RNPEP: variants seen among roughly 807,000 people sequenced by gnomAD.
RNPEP encodes aminopeptidase B.
Under a neutral mutation model 70.1 loss-of-function variants are expected in RNPEP, and 57 were observed. That is an observed-to-expected ratio of 0.81 (90% CI 0.66 to 1.01). The LOEUF (loss-of-function observed/expected upper bound fraction) is 1.01, where lower values mean the gene tolerates loss of function less well. RNPEP is among the 50% of genes least tolerant of loss of function. RNPEP has a pLI of 0.00. For synonymous variants in RNPEP, 335 were observed against 357.4 expected, an observed-to-expected ratio of 0.94 and a Z score of 0.71; for missense variants, 787 against 852.4, an observed-to-expected ratio of 0.92 and a Z score of 0.96.
chr1:201,986,128 CTG>C (rs1169281089), intron 1 of RNPEP, among the ~76,000 whole-genome samples: 1 of 152,184 alleles, frequency 6.6e-6, no homozygotes, highest in Non-Finnish European at 1.5e-5. Context: ...TGAGGTCTCA[CTG>C]TGTTATCCAG....
chr1:201,985,323 C>T (rs1353415993), intron 1 of RNPEP, among the ~76,000 whole-genome samples: 1 of 152,146 alleles, frequency 6.6e-6, no homozygotes, highest in Non-Finnish European at 1.5e-5. Flanking sequence ...CTCACTGCAG[C>T]CTTGACCTCC....
intron 5 of RNPEP, among the ~76,000 whole-genome samples, chr1:201,998,064 A>G (rs973348360): frequency 6.6e-6 from 1 of 151,902 alleles, no homozygotes; most frequent in Admixed American, 6.6e-5. Context: ...TGCCCAGCCC[A>G]TTAGATTTTC....
In RNPEP at chr1:201,988,807, T is replaced by C. The variant is rs985703905; in HGVS notation, c.448-97T>C. 7.3e-5 allele frequency: 105 copies of C among 1,429,642 alleles called. No individual in the cohort carries two copies. The Middle Eastern group carries it at 1.3e-3, about 18-fold the overall frequency. 88.6% of individuals were successfully genotyped at this position (1,429,642 alleles called of 1,614,324 possible). A position where few individuals can be genotyped will look rare whatever the true frequency, so the allele number is the denominator to read the frequency against. ...CTGGCTGGCGGAAAGGTTTTAAGGATTACCTAAAATTCTCTCATTCCAGCC... is the reference window on the plus strand; with the variant it reads ...CTGGCTGGCGGAAAGGTTTTAAGGACTACCTAAAATTCTCTCATTCCAGCC... On this transcript the variant is annotated intron_variant, in intron 1 of 10. Transcript: ENST00000295640.
intron 2 of RNPEP, 55 bp downstream of exon 2, chr1:201,989,099 A>C: frequency 6.3e-7 from 1 of 1,576,744 alleles, no homozygotes; most frequent in Non-Finnish European, 8.6e-7. Context: ...ATGATTTCAG[A>C]TCTATCAATC....
chr1:201,993,310 C>T (rs544565754), intron 3 of RNPEP, among the ~76,000 whole-genome samples: 2 of 152,256 alleles, frequency 1.3e-5, no homozygotes, highest in Admixed American at 6.5e-5. Flanking sequence ...AAAAAACAAA[C>T]TCAAGGCTGG....
chr1:201,987,657 C>T (rs953742618), intron 1 of RNPEP, among the ~76,000 whole-genome samples: 1 of 151,438 alleles, frequency 6.6e-6, no homozygotes, highest in South Asian at 2.1e-4. Flanking sequence ...AGGCAGGTCA[C>T]GAACGCCTGA....
rs1491456428 is a variant in RNPEP, at chr1:202,001,177, A to AAG, written c.1205-190_1205-189dup. The AAG allele has an allele frequency of 2.2e-5, 13 of 580,798 alleles. No homozygotes were observed. In the East Asian group the frequency reaches 3.4e-4, roughly 15 times the overall value. 36.0% of individuals were successfully genotyped at this position (580,798 alleles called of 1,614,324 possible). On this transcript the variant is annotated intron_variant, in intron 6 of 10. Coordinates refer to ENST00000295640, the MANE Select transcript of RNPEP (RefSeq NM_020216.4). ...ATCTTGGCCTTGAGATAGAGATCTT[A>AAG]AGAGAGAGAGTCTTGGCCTTGAGAG...
chr1:202,002,099 C>T (rs1297893935), intron 8 of RNPEP, among the ~76,000 whole-genome samples: 2 of 152,146 alleles, frequency 1.3e-5, no homozygotes, highest in African/African-American at 4.8e-5. Flanking sequence ...GGCAGCACCC[C>T]TCCTACAGCC....
chr1:201,984,899 A>C (rs76024845), intron 1 of RNPEP, among the ~76,000 whole-genome samples: 1 of 140,084 alleles, frequency 7.1e-6, no homozygotes, highest in African/African-American at 2.6e-5. Flanking sequence ...CTTTTTAAAA[A>C]TCTCGTTTCC....
intron 3 of RNPEP, among the ~76,000 whole-genome samples, chr1:201,994,872 C>G (rs1683491467): frequency 7.7e-6 from 1 of 129,718 alleles, no homozygotes; most frequent in Non-Finnish European, 1.6e-5. Flanking sequence ...TAGAAACAGC[C>G]TTTCACCATG....
intron 1 of RNPEP, among the ~76,000 whole-genome samples, chr1:201,987,089 T>C (rs6690438): frequency 0.72 from 108,738 of 151,914 alleles, 39,166 homozygotes; most frequent in Non-Finnish European, 0.75. Flanking sequence ...TCTCAGACAC[T>C]GCTGTGTTCA....
At chr1:202,001,120 G>C (rs1295520546) in intron 6 of RNPEP, 1 of 467,620 alleles carries the variant, frequency 2.1e-6, no homozygotes, top group East Asian at 3.8e-5. Context: ...GATCTTGGAA[G>C]TACCTTGAGA....
In RNPEP at chr1:201,982,754, A is replaced by G; in HGVS notation, c.88A>G (p.Asn30Asp). 7.3e-7 allele frequency: 1 copy of G among 1,371,702 alleles called. No homozygotes were observed. The highest frequency in any genetic ancestry group is 9.4e-7 in the Non-Finnish European group (1 of 1,061,544). 85.0% of individuals were successfully genotyped at this position (1,371,702 alleles called of 1,614,324 possible). ...AQAVDVASASNFRAFELLHLH... is the reference protein window; with the variant it reads ...AQAVDVASASDFRAFELLHLH... ...GGCTGTGGACGTGGCCTCGGCCTCC[A>G]ACTTCCGGGCCTTTGAGCTGCTGCA... The change falls in exon 1 of 11, where the codon AAC becomes GAC. Residue 30 changes from asparagine to aspartate, a missense_variant. Coordinates refer to ENST00000295640, the MANE Select transcript of RNPEP (RefSeq NM_020216.4).
In RNPEP at chr1:201,995,888, C is replaced by A. The variant is rs73074435; in HGVS notation, c.738-259C>A. ...GCTCACAGAGGTTAAATCACTTTTG[C>A]AAGATCGCATTCAGTAGTGAAGCCA... On this transcript the variant is annotated intron_variant, in intron 3 of 10. Transcript: ENST00000295640. 5.6e-3 allele frequency: 2,279 copies of A among 408,028 alleles called. 44 individuals are homozygous for A. The highest frequency in any genetic ancestry group is 0.042 in the African/African-American group (2,077 of 50,044). The allele number at this position is 408,028 out of a possible 1,614,324, so 25.3% of individuals were successfully genotyped here.
At position 201,989,413 on chromosome 1, in the gene RNPEP, G is replaced by A. The variant is rs1442343572; in HGVS notation, c.619G>A (p.Ala207Thr). The A allele has an allele frequency of 4.3e-6, 7 of 1,614,218 alleles. No individual in the cohort carries two copies. In the South Asian group the frequency reaches 6.6e-5, roughly 15 times the overall value. ...VPDGFTAVMS[A>T]STWEKRGPNK... ...AGATGGCTTCACAGCTGTGATGAGT[G>A]CTAGCACCTGGGAGAAGAGAGGTCC... is the stretch of plus-strand genomic sequence containing the variant. Residue 207 changes from alanine to threonine, a missense_variant, in exon 3 of 11, where the codon GCT becomes ACT. Coordinates refer to ENST00000295640, the MANE Select transcript of RNPEP (RefSeq NM_020216.4).
chr1:201,998,467 A>G (rs1342623086), intron 5 of RNPEP, among the ~76,000 whole-genome samples: 1 of 152,066 alleles, frequency 6.6e-6, no homozygotes, highest in Non-Finnish European at 1.5e-5. Flanking sequence ...ACTGGTCTTG[A>G]ACTCCTGGCC....
At chr1:201,994,076 C>T (rs1001083750) in intron 3 of RNPEP, among the ~76,000 whole-genome samples, 1 of 152,160 alleles carries the variant, frequency 6.6e-6, no homozygotes, top group African/African-American at 2.4e-5. Context: ...CCCCCATTGA[C>T]CCTCCTCTGG....
chr1:201,993,336 C>A (rs1683412509), intron 3 of RNPEP, among the ~76,000 whole-genome samples: 1 of 152,140 alleles, frequency 6.6e-6, no homozygotes, highest in South Asian at 2.1e-4. Flanking sequence ...GTGGCTCACG[C>A]TTGTAATCCC....
chr1:201,984,968 A>C (rs909141030), intron 1 of RNPEP, among the ~76,000 whole-genome samples: 3 of 151,202 alleles, frequency 2.0e-5, no homozygotes, highest in Non-Finnish European at 4.4e-5. Context: ...CAGGGCTGGC[A>C]GATCACCTGA....
Sources: gnomAD v4.1 joint callset for allele counts (sites outside exome capture counted in the v4.1 genomes callset) on GRCh38, gnomAD v4.1.1 for gene constraint, MANE v1.5 for transcripts, NCBI Gene and HGNC (gene_info 2026-07-23, HGNC 2026-07-21) for gene names.